Variants in SKAP1 observed in about 807,000 individuals in gnomAD.
The protein encoded by SKAP1 is src kinase associated phosphoprotein 1, also known as src kinase-associated phosphoprotein 1.
A neutral mutation model predicts 58.5 loss-of-function variants in SKAP1; 44 were observed. The ratio of observed to expected loss-of-function variants is 0.75; its 90% CI spans 0.59 to 0.97. The LOEUF (loss-of-function observed/expected upper bound fraction) is 0.97. Ranked by LOEUF, SKAP1 falls within the 50% of genes least tolerant of loss-of-function variation. The probability of loss-of-function intolerance (pLI) is 0.00; values close to 1 mark genes in which losing one functional copy is unlikely to be tolerated. For missense variants in SKAP1, 390 were observed against 435.2 expected (o/e 0.90, Z 0.92); for synonymous variants, 127 against 149.7 (o/e 0.85, Z 1.11).
Position 48,338,441 on chromosome 17 carries a change from C to T in SKAP1, c.280+7464G>A, listed in dbSNP as rs189903068. 3.3e-3 allele frequency among the ~76,000 whole-genome samples: 496 copies of T among 152,240 alleles called. 5 individuals are homozygous for T. Among genetic ancestry groups the T allele is most frequent in the Non-Finnish European group, 2.8e-3 (192 of 68,022 alleles). ...TTCTGGGATTACAGGCATGAGTCAC[C>T]GCGCCTGACCACTTACCATCTTTAA... On this transcript the variant is annotated intron_variant, in intron 4 of 12. Coordinates refer to ENST00000336915, the MANE Select transcript of SKAP1 (RefSeq NM_003726.4).
At chr17:48,341,524 T>C (rs1366491273) in intron 4 of SKAP1, among the ~76,000 whole-genome samples, 1 of 152,186 alleles carries the variant, frequency 6.6e-6, no homozygotes, top group African/African-American at 2.4e-5. Context: ...AAAAAAGGGT[T>C]CTTTTTATTT....
chr17:48,378,185 G>A (rs1295511802), intron 2 of SKAP1, among the ~76,000 whole-genome samples: 1 of 152,022 alleles, frequency 6.6e-6, no homozygotes, highest in African/African-American at 2.4e-5. Context: ...ATCGCAAACG[G>A]TCCATCTGCC....
chr17:48,350,035 C>T (rs537289654), intron 3 of SKAP1, among the ~76,000 whole-genome samples: 34 of 152,140 alleles, frequency 2.2e-4, no homozygotes, highest in African/African-American at 7.7e-4. Flanking sequence ...AATTCAATTC[C>T]AAATAAAACA....
chr17:48,146,645 G>A (rs1335221906), intron 11 of SKAP1, among the ~76,000 whole-genome samples: 1 of 147,502 alleles, frequency 6.8e-6, no homozygotes, highest in African/African-American at 2.5e-5. Flanking sequence ...TTTTTTTTTT[G>A]AGATGGAGTT....
intron 1 of SKAP1, among the ~76,000 whole-genome samples, chr17:48,415,296 T>C (rs565542122): frequency 1.3e-5 from 2 of 151,926 alleles, no homozygotes; most frequent in Non-Finnish European, 2.9e-5. Context: ...ATACTTGAGG[T>C]TTTTGTCTAT....
chr17:48,288,742 T>C (rs571290176), intron 4 of SKAP1, among the ~76,000 whole-genome samples: 52 of 152,198 alleles, frequency 3.4e-4, no homozygotes, highest in Non-Finnish European at 5.6e-4. Flanking sequence ...GGCAGACTGC[T>C]AGGAATCTTA....
At chr17:48,190,265 C>T (rs1469795125) in intron 4 of SKAP1, among the ~76,000 whole-genome samples, 1 of 151,948 alleles carries the variant, frequency 6.6e-6, no homozygotes, top group Non-Finnish European at 1.5e-5. Context: ...CACCACCACG[C>T]CCGGCTAATT....
intron 2 of SKAP1, among the ~76,000 whole-genome samples, chr17:48,386,266 C>T (rs887215016): frequency 2.0e-5 from 3 of 149,410 alleles, no homozygotes; most frequent in African/African-American, 7.4e-5. Flanking sequence ...ATTTTACTCA[C>T]ATCATTGAAC....
chr17:48,361,130 A>G (rs1410208542), intron 3 of SKAP1, among the ~76,000 whole-genome samples: 2 of 139,930 alleles, frequency 1.4e-5, no homozygotes, highest in Non-Finnish European at 3.1e-5. Flanking sequence ...TATACTGTAC[A>G]CCACTAACTT....
At chr17:48,405,943 G>T (rs2067577193) in intron 1 of SKAP1, among the ~76,000 whole-genome samples, 1 of 151,776 alleles carries the variant, frequency 6.6e-6, no homozygotes, top group African/African-American at 2.4e-5. Flanking sequence ...GATAACAGAA[G>T]TAAGAAGTGA....
intron 4 of SKAP1, among the ~76,000 whole-genome samples, chr17:48,320,511 T>G (rs948142069): frequency 5.9e-5 from 9 of 152,206 alleles, no homozygotes; most frequent in South Asian, 2.1e-4. Context: ...CTAAAAATAC[T>G]AATGGTTACT....
chr17:48,240,600 T>G (rs2065234960), intron 4 of SKAP1, among the ~76,000 whole-genome samples: 1 of 152,018 alleles, frequency 6.6e-6, no homozygotes, highest in African/African-American at 2.4e-5. Flanking sequence ...AAACCTGAGG[T>G]TGTATGAGAA....
chr17:48,165,749 G>C (rs1239585124), intron 10 of SKAP1, among the ~76,000 whole-genome samples: 2 of 152,146 alleles, frequency 1.3e-5, no homozygotes, highest in African/African-American at 4.8e-5. Flanking sequence ...CCAAGGGTGA[G>C]GCTTGCCTCT....
At chr17:48,399,025 G>C (rs1439462239) in intron 1 of SKAP1, among the ~76,000 whole-genome samples, 9 of 151,002 alleles carry the variant, frequency 6.0e-5, no homozygotes, top group Non-Finnish European at 1.3e-4. Flanking sequence ...GTCTCAAAAA[G>C]AAACAAACAA....
chr17:48,315,155 G>A (rs768799019), intron 4 of SKAP1, among the ~76,000 whole-genome samples: 15 of 152,020 alleles, frequency 9.9e-5, no homozygotes, highest in Non-Finnish European at 2.1e-4. Context: ...CAGAATTCCA[G>A]GTTTAAGAAG....
chr17:48,388,113 A>G (rs948588773), intron 2 of SKAP1, among the ~76,000 whole-genome samples: 2 of 152,180 alleles, frequency 1.3e-5, no homozygotes, highest in African/African-American at 4.8e-5. Flanking sequence ...TGAAATGCAA[A>G]GTCAAACCAA....
Position 48,406,593 on chromosome 17 carries a change from C to T in SKAP1, c.47-9808G>A, listed in dbSNP as rs571884340. On this transcript the variant is annotated intron_variant, in intron 1 of 12. Coordinates refer to ENST00000336915, the MANE Select transcript of SKAP1 (RefSeq NM_003726.4). The stretch of plus-strand genomic sequence containing the variant: ...TTATTTATTTATTTTGAGATGGAGT[C>T]TAACTTATGTCACCCAGGCTGGAGT... Among the ~76,000 whole-genome samples the T allele has an allele frequency of 1.1e-4, 17 of 149,156 alleles. No individual in the cohort carries two copies. In the South Asian group the frequency reaches 3.7e-3, roughly 32 times the overall value.
chr17:48,257,066 T>G (rs2065431200), intron 4 of SKAP1, among the ~76,000 whole-genome samples: 1 of 152,110 alleles, frequency 6.6e-6, no homozygotes, highest in African/African-American at 2.4e-5. Flanking sequence ...AATGTTATTT[T>G]GATAATCTCA....
chr17:48,417,962 T>C (rs1440822295), intron 1 of SKAP1, among the ~76,000 whole-genome samples: 10 of 151,932 alleles, frequency 6.6e-5, no homozygotes, highest in African/African-American at 2.2e-4. Flanking sequence ...TGAAAAAGTC[T>C]CCAACACTGC....
Sources: gnomAD v4.1 joint callset for allele counts (sites outside exome capture counted in the v4.1 genomes callset) on GRCh38, gnomAD v4.1.1 for gene constraint, MANE v1.5 for transcripts, NCBI Gene and HGNC (gene_info 2026-07-23, HGNC 2026-07-21) for gene names.